The following CDC5L variants were observed in gnomAD, a reference collection of about 807,000 sequenced individuals.
CDC5L encodes the protein cell division cycle 5-like protein.
Under a neutral mutation model 104.1 loss-of-function variants are expected in CDC5L, and 18 were observed. The ratio of observed to expected loss-of-function variants is 0.17; its 90% CI spans 0.12 to 0.26. The LOEUF (loss-of-function observed/expected upper bound fraction) is 0.26. Among genes scored for constraint, CDC5L ranks in the 10% least tolerant of loss-of-function variants. The pLI is 1.00. For synonymous variants in CDC5L, 331 were observed against 322.7 expected, an observed-to-expected ratio of 1.03 and a Z score of -0.28; for missense variants, 673 against 956.9, an observed-to-expected ratio of 0.70 and a Z score of 3.91.
At chr6:44,391,582 G>A (rs1012075460) in intron 2 of CDC5L, among the ~76,000 whole-genome samples, 11 of 152,098 alleles carry the variant, frequency 7.2e-5, no homozygotes, top group African/African-American at 1.7e-4. Context: ...TAGTGGACAC[G>A]TGAAGCTATT....
At chr6:44,421,032 C>T (rs924001575) in intron 9 of CDC5L, among the ~76,000 whole-genome samples, 4 of 152,244 alleles carry the variant, frequency 2.6e-5, no homozygotes, top group South Asian at 2.1e-4. Flanking sequence ...TTGCCGTTCC[C>T]GAATAAACTC....
chr6:44,409,872 C>T (rs898994233), intron 8 of CDC5L, among the ~76,000 whole-genome samples: 1 of 151,798 alleles, frequency 6.6e-6, no homozygotes, highest in Non-Finnish European at 1.5e-5. Context: ...CTCCCTTGTT[C>T]AATGAAGAAT....
At chr6:44,404,910 C>G (rs1019179777) in intron 6 of CDC5L, among the ~76,000 whole-genome samples, 2 of 152,056 alleles carry the variant, frequency 1.3e-5, no homozygotes, top group Non-Finnish European at 1.5e-5. Flanking sequence ...CCATGCTGGC[C>G]TTGAACTCCT....
chr6:44,401,309 C>T (rs575524358), intron 5 of CDC5L, among the ~76,000 whole-genome samples: 2 of 2,170 alleles, frequency 9.2e-4, no homozygotes, highest in South Asian at 0.33. Context: ...TTGCCCTCCC[C>T]GTCCGTCCGC....
In CDC5L at chr6:44,422,798, G is replaced by A. The variant is rs764935568; in HGVS notation, c.1393G>A (p.Val465Met). 8.7e-6 allele frequency: 14 copies of A among 1,601,286 alleles called. No homozygotes were observed. The African/African-American group carries it at 1.2e-4, about 14-fold the overall frequency. ...GMADYSDPSY[V>M]KQMERESREH... ...GGCAGACTATAGTGATCCCTCTTAC[G>A]TGAAGCAGATGGTAAATGTCAATTC... Residue 465 changes from valine (V) to methionine (M), a missense_variant, in exon 10 of 16, where the codon GTG (valine) becomes ATG (methionine). Val to Met is a conservative substitution (Grantham distance 21). This residue lies in a region of CDC5L where 578 missense variants were observed against 737.0 expected (regional missense o/e 0.78). Transcript: ENST00000371477.
Position 44,449,219 on chromosome 6 carries a change from C to T in CDC5L, c.*2508C>T, listed in dbSNP as rs1793562175. The T allele has an allele frequency of 6.6e-6, 1 of 152,180 alleles. No individual in the cohort carries two copies. The highest frequency in any genetic ancestry group is 1.5e-5 in the Non-Finnish European group (1 of 68,032). The allele number at this position is 152,180 out of a possible 1,614,324, so 9.4% of individuals were successfully genotyped here. ...AGGAATTACAAAATTTCAAAACTGG[C>T]ACATTGTAAACTGCATATGCATTTG... On this transcript the variant is annotated 3_prime_UTR_variant, in exon 16 of 16. Transcript: ENST00000371477.
intron 4 of CDC5L, among the ~76,000 whole-genome samples, chr6:44,395,415 C>T (rs771104919): frequency 1.6e-4 from 25 of 152,138 alleles, no homozygotes; most frequent in African/African-American, 5.1e-4. Context: ...ATTTTCAACC[C>T]GTGTGTGCCA....
At chr6:44,416,553 TC>T (rs1301975475) in intron 8 of CDC5L, among the ~76,000 whole-genome samples, 1 of 152,222 alleles carries the variant, frequency 6.6e-6, no homozygotes, top group Non-Finnish European at 1.5e-5. Flanking sequence ...CCTCTGCTTC[TC>T]CTTCTGCCTC....
intron 8 of CDC5L, among the ~76,000 whole-genome samples, chr6:44,410,808 A>G (rs1043485618): frequency 1.3e-5 from 2 of 152,104 alleles, no homozygotes; most frequent in Admixed American, 6.5e-5. Context: ...TTGTAAAATT[A>G]TTTTGAATTA....
Position 44,398,761 on chromosome 6 carries a change from A to C in CDC5L, c.539+2321A>C, listed in dbSNP as rs189313067. On this transcript the variant is annotated intron_variant, in intron 5 of 15. Transcript: ENST00000371477. ...TTGAAGTCCTTATTTCCATTATTTA[A>C]AGAATGAAATTACTTTAAAATTTGA... Among the ~76,000 whole-genome samples the C allele has an allele frequency of 1.1e-3, 170 of 152,330 alleles. 1 individual carries two copies. The highest frequency in any genetic ancestry group is 3.9e-3 in the African/African-American group (163 of 41,566).
chr6:44,395,224 G>A (rs1160566599), intron 4 of CDC5L, among the ~76,000 whole-genome samples: 6 of 152,178 alleles, frequency 3.9e-5, no homozygotes, highest in Admixed American at 1.3e-4. Context: ...ACTATAGTTA[G>A]CAACAGTGTA....
At chr6:44,393,181 T>G (rs1790697583) in intron 3 of CDC5L, among the ~76,000 whole-genome samples, 1 of 150,652 alleles carries the variant, frequency 6.6e-6, no homozygotes, top group African/African-American at 2.4e-5. Context: ...TTTTTTTTTT[T>G]TTTTTTTTAA....
intron 9 of CDC5L, among the ~76,000 whole-genome samples, chr6:44,420,298 C>T (rs1346820788): frequency 1.3e-5 from 2 of 151,932 alleles, no homozygotes; most frequent in Admixed American, 6.6e-5. Flanking sequence ...ATTGCCCTAC[C>T]AACAGCCAGT....
At chr6:44,432,987 A>G (rs1241351660) in intron 14 of CDC5L, among the ~76,000 whole-genome samples, 3 of 152,234 alleles carry the variant, frequency 2.0e-5, no homozygotes, top group African/African-American at 7.2e-5. Context: ...GATACATTGC[A>G]GGGGAGTAAA....
At chr6:44,415,643 A>G (rs980824760) in intron 8 of CDC5L, among the ~76,000 whole-genome samples, 1 of 151,918 alleles carries the variant, frequency 6.6e-6, no homozygotes, top group African/African-American at 2.4e-5. Flanking sequence ...AAGGAGGAAA[A>G]AGGGCACACC....
In CDC5L at chr6:44,450,113, C is replaced by G. The variant is rs1214650592; in HGVS notation, c.*3402C>G. 6.6e-6 allele frequency: 1 copy of G among 152,218 alleles called. No individual in the cohort carries two copies. Among genetic ancestry groups the G allele is most frequent in the Admixed American group, 6.5e-5 (1 of 15,288 alleles). The allele number at this position is 152,218 out of a possible 1,614,324, so 9.4% of individuals were successfully genotyped here. On this transcript the variant is annotated 3_prime_UTR_variant, in exon 16 of 16. Transcript: ENST00000371477. ...TCCTGACCTCAGGTGATCCACCTACCTCGGCCTCCCAAAGTGCTAGAATTA... is the reference window on the plus strand; with the variant it reads ...TCCTGACCTCAGGTGATCCACCTACGTCGGCCTCCCAAAGTGCTAGAATTA...
chr6:44,416,633 A>T (rs1286030343), intron 8 of CDC5L, among the ~76,000 whole-genome samples: 1 of 152,234 alleles, frequency 6.6e-6, no homozygotes, highest in Non-Finnish European at 1.5e-5. Context: ...GAAACATCCC[A>T]GTGTAACCAC....
intron 11 of CDC5L, 93 bp downstream of exon 11, chr6:44,424,676 T>G: frequency 2.0e-5 from 23 of 1,147,156 alleles, no homozygotes; most frequent in Non-Finnish European, 2.6e-5. Context: ...CCAAGATCTC[T>G]ACCTAGTCCT....
intron 14 of CDC5L, 80 bp downstream of exon 14, chr6:44,429,990 T>C: frequency 8.9e-7 from 1 of 1,125,504 alleles, no homozygotes; most frequent in Non-Finnish European, 1.3e-6. Context: ...GGAGACAATG[T>C]CAGAAAAACA....
Sources: allele counts gnomAD v4.1 joint callset (sites outside exome capture counted in the v4.1 genomes callset), GRCh38; gene constraint gnomAD v4.1.1; regional missense constraint gnomAD v4.1.1; transcripts MANE v1.5; gene names NCBI Gene and HGNC (gene_info 2026-07-23, HGNC 2026-07-21).